Variants in CASP14 observed in about 807,000 individuals in gnomAD.
CASP14 encodes caspase-14.
CASP14 carries 27 observed loss-of-function variants against 28.4 expected under a neutral mutation model. The observed-to-expected ratio is 0.95, with a 90% confidence interval of 0.70 to 1.31. The LOEUF (loss-of-function observed/expected upper bound fraction) is 1.31. Ranked by LOEUF, CASP14 falls within the 50% of genes most tolerant of loss-of-function variation. The pLI is 0.00. For synonymous variants in CASP14, 115 were observed against 118.6 expected, an observed-to-expected ratio of 0.97 and a Z score of 0.20; for missense variants, 323 against 312.8, an observed-to-expected ratio of 1.03 and a Z score of -0.25.
At chr19:15,053,208 A>G (rs2046098969) in intron 2 of CASP14, among the ~76,000 whole-genome samples, 1 of 152,074 alleles carries the variant, frequency 6.6e-6, no homozygotes, top group Non-Finnish European at 1.5e-5. Context: ...CCCAGGCTCA[A>G]GCTATCCTCC....
intron 1 of CASP14, 47 bp downstream of exon 1, chr19:15,049,692 C>CTG (rs2046079959): frequency 9.1e-6 from 1 of 109,944 alleles, no homozygotes; most frequent in African/African-American, 4.4e-5. Context: ...CTCTCTCTCT[C>CTG]TCTCTCACAC....
intron 4 of CASP14, 149 bp downstream of exon 4, chr19:15,054,107 C>T (rs1243423973): frequency 4.5e-6 from 3 of 667,640 alleles, no homozygotes; most frequent in Non-Finnish European, 7.5e-6. Flanking sequence ...GCCTCAGCCT[C>T]CTGAGTAGCT....
intron 1 of CASP14, 79 bp downstream of exon 1, chr19:15,049,724 CA>C (rs2046080933): frequency 6.6e-6 from 1 of 152,304 alleles, no homozygotes; most frequent in Non-Finnish European, 1.5e-5. Flanking sequence ...CACACACACA[CA>C]CACACACGCA....
intron 1 of CASP14, among the ~76,000 whole-genome samples, chr19:15,050,862 G>GT (rs1186187263): frequency 6.6e-6 from 1 of 151,890 alleles, no homozygotes; most frequent in African/African-American, 2.4e-5. Flanking sequence ...GGATAGATAG[G>GT]TAAGTGGAAA....
intron 1 of CASP14, 55 bp downstream of exon 1, chr19:15,049,700 C>A (rs1224117535): frequency 9.6e-5 from 6 of 62,744 alleles, no homozygotes; most frequent in Non-Finnish European, 1.6e-4. Flanking sequence ...CTCTCTCTCA[C>A]ACACACACAC....
intron 4 of CASP14, 95 bp from the exon 5 acceptor site, chr19:15,055,063 C>A: frequency 1.1e-6 from 1 of 917,008 alleles, no homozygotes. Flanking sequence ...CTTCAGCCCC[C>A]CAAAACACTG....
rs535340185 is a variant in CASP14 at position 15,054,096 on chromosome 19, T to A, written c.403+138T>A. On this transcript the variant is annotated intron_variant, in intron 4 of 6. Transcript: ENST00000427043. The stretch of plus-strand genomic sequence containing the variant: ...ATCTCCCAGGCTCCAGCCGTCCTCC[T>A]GCCTCAGCCTCCTGAGTAGCTGAGA... The A allele has an allele frequency of 7.1e-6, 5 of 701,260 alleles. No homozygotes were observed. The Admixed American group carries it at 1.4e-4, about 20-fold the overall frequency. 43.4% of individuals were successfully genotyped at this position (701,260 alleles called of 1,614,324 possible).
In CASP14 at chr19:15,056,035, G is replaced by A. The variant is rs773573153; in HGVS notation, c.675G>A (p.Arg225=). The A allele has an allele frequency of 1.2e-6, 2 of 1,609,216 alleles. No individual in the cohort carries two copies. Among genetic ancestry groups the A allele is most frequent in the South Asian group, 1.1e-5 (1 of 90,022 alleles). Residue 225 remains arginine, a synonymous_variant, in exon 7 of 7, where the codon AGG becomes AGA. Transcript: ENST00000427043. ...EAELVQEGKA[R]KTNPEIQSTL... is the part of the protein sequence containing the mutation. Reference sequence around the variant, plus strand: ...AGCTGGTTCAAGAAGGAAAAGCAAGGAAAACGAACCCTGAAATCCAAAGCA... The same window carrying A: ...AGCTGGTTCAAGAAGGAAAAGCAAGAAAAACGAACCCTGAAATCCAAAGCA...
Position 15,058,137 on chromosome 19 carries a change from C to T in CASP14, c.*2048C>T, listed in dbSNP as rs2046126070. 1 of 152,216 alleles carries T rather than the reference C, an allele frequency of 6.6e-6. No individual in the cohort carries two copies. The highest frequency in any genetic ancestry group is 1.5e-5 in the Non-Finnish European group (1 of 68,078). 9.4% of individuals were successfully genotyped at this position (152,216 alleles called of 1,614,324 possible). A position where few individuals can be genotyped will look rare whatever the true frequency, so the allele number is the denominator to read the frequency against. On this transcript the variant is annotated 3_prime_UTR_variant, in exon 7 of 7. Coordinates refer to ENST00000427043, the MANE Select transcript of CASP14 (RefSeq NM_012114.3). Reference sequence around the variant, plus strand: ...TTACCCCTCTTCCACTACCTCCCACCCCTACTTTTTCCAGAAAGCCATTTC... The same window carrying T: ...TTACCCCTCTTCCACTACCTCCCACTCCTACTTTTTCCAGAAAGCCATTTC...
At chr19:15,052,538 T>C (rs2046095778) in intron 2 of CASP14, among the ~76,000 whole-genome samples, 1 of 152,182 alleles carries the variant, frequency 6.6e-6, no homozygotes, top group Non-Finnish European at 1.5e-5. Context: ...TTCTGAGAAG[T>C]CCTGCAATAA....
In CASP14 at chr19:15,052,739, G is replaced by A. The variant is rs1002010212; in HGVS notation, c.27+461G>A. 4.4e-4 allele frequency among the ~76,000 whole-genome samples: 67 copies of A among 152,076 alleles called. 4 individuals are homozygous for A. The highest frequency in any genetic ancestry group is 8.8e-5 in the Non-Finnish European group (6 of 68,020). On this transcript the variant is annotated intron_variant, in intron 2 of 6. Transcript: ENST00000427043. ...TAGAGGAATGCTCAGAACACTCTTG[G>A]GGAGGATGAGGAGACCTGCAAATCC... is the stretch of plus-strand genomic sequence containing the variant.
chr19:15,052,078 C>T (rs916540518), intron 1 of CASP14, 128 bp from the exon 2 acceptor site: 1 of 618,724 alleles, frequency 1.6e-6, no homozygotes, highest in Non-Finnish European at 2.8e-6. Context: ...CCAGATCTGT[C>T]CACAGACCAA....
chr19:15,055,999 G>T lies in CASP14; in HGVS notation c.639G>T (p.Met213Ile). The T allele has an allele frequency of 6.2e-7, 1 of 1,607,314 alleles. No individual in the cohort carries two copies. The highest frequency in any genetic ancestry group is 1.1e-5 in the South Asian group (1 of 89,662). ...LELLTEVTRRMAEAELVQEGK... is the reference protein window; with the variant it reads ...LELLTEVTRRIAEAELVQEGK... The stretch of plus-strand genomic sequence containing the variant: ...TGTTGCTGCAGGTGACCCGGCGGAT[G>T]GCAGAAGCAGAGCTGGTTCAAGAAG... Residue 213 changes from methionine to isoleucine, a missense_variant, in exon 7 of 7, where the codon ATG (methionine) becomes ATT (isoleucine). Transcript: ENST00000427043.
chr19:15,053,525 G>A lies in CASP14; in HGVS notation c.71G>A (p.Cys24Tyr). Residue 24 changes from cysteine (C) to tyrosine (Y), a missense_variant, in exon 3 of 7, where the codon TGT becomes TAT. By Grantham distance (194) the Cys-to-Tyr change is radical. Transcript: ENST00000427043. ...MSGARLALIL[C>Y]VTKAREGSEE... ...GGTGCCCGCCTGGCCCTAATACTGT[G>A]TGTCACCAAAGCCCGGGAAGGTTCC... 2 of 1,614,118 alleles carry A rather than the reference G, an allele frequency of 1.2e-6. No individual in the cohort carries two copies. Among genetic ancestry groups the A allele is most frequent in the Non-Finnish European group, 1.7e-6 (2 of 1,180,026 alleles).
At chr19:15,049,911 C>G (rs1246250935) in intron 1 of CASP14, among the ~76,000 whole-genome samples, 2 of 152,034 alleles carry the variant, frequency 1.3e-5, no homozygotes, top group Non-Finnish European at 2.9e-5. Flanking sequence ...CACTGTTGGC[C>G]ATGATGGAGA....
chr19:15,054,020 C>G (rs1401815592), intron 4 of CASP14, 62 bp downstream of exon 4: 10 of 1,390,050 alleles, frequency 7.2e-6, no homozygotes, highest in African/African-American at 1.4e-5. Flanking sequence ...TTTTTTGAGA[C>G]AGCACCCAGG....
chr19:15,055,701 G>A (rs1012786198), intron 6 of CASP14, among the ~76,000 whole-genome samples, 168 bp downstream of exon 6: 1 of 152,100 alleles, frequency 6.6e-6, no homozygotes, highest in Non-Finnish European at 1.5e-5. Flanking sequence ...CCCAAATGCA[G>A]GGACTCTTAA....
Position 15,056,399 on chromosome 19 carries a change from C to A in CASP14, c.*310C>A, listed in dbSNP as rs1364207220. The A allele has an allele frequency of 4.5e-5, 11 of 243,560 alleles. No homozygotes were observed. In the South Asian group the frequency reaches 6.0e-4, roughly 13 times the overall value. 15.1% of individuals were successfully genotyped at this position (243,560 alleles called of 1,614,324 possible). On this transcript the variant is annotated 3_prime_UTR_variant, in exon 7 of 7. Transcript: ENST00000427043. ...ACTTTCTGTTCCTGTGGTCTTCTTT[C>A]TCCCATGAAGCAGAAACTGGATAAA...
chr19:15,055,300 A>T, intron 5 of CASP14, 26 bp downstream of exon 5: 6 of 1,594,054 alleles, frequency 3.8e-6, no homozygotes, highest in Non-Finnish European at 5.2e-6. Flanking sequence ...TGGCCCAGGG[A>T]TCCCTCTGCT....
Sources: allele counts gnomAD v4.1 joint callset (sites outside exome capture counted in the v4.1 genomes callset), GRCh38; gene constraint gnomAD v4.1.1; transcripts MANE v1.5; gene names NCBI Gene and HGNC (gene_info 2026-07-23, HGNC 2026-07-21).